EXOC3L2: variants seen among roughly 807,000 people sequenced by gnomAD.
The protein encoded by EXOC3L2 is exocyst complex component 3-like protein 2.
Under a neutral mutation model 44.4 loss-of-function variants are expected in EXOC3L2, and 17 were observed. The observed-to-expected ratio is 0.38, with a 90% CI of 0.26 to 0.57. The LOEUF (loss-of-function observed/expected upper bound fraction) is 0.57, where lower values mean the gene tolerates loss of function less well. Among genes scored for constraint, EXOC3L2 ranks in the 20% least tolerant of loss-of-function variants. The probability of loss-of-function intolerance (pLI) is 0.65; values close to 1 mark genes in which losing one functional copy is unlikely to be tolerated. For synonymous variants in EXOC3L2, 256 were observed against 253.7 expected (o/e 1.01, Z -0.09); for missense variants, 541 against 588.4 (o/e 0.92, Z 0.83).
At chr19:45,240,650 C>CT (rs1484838447) in intron 1 of EXOC3L2, among the ~76,000 whole-genome samples, 3 of 152,142 alleles carry the variant, frequency 2.0e-5, no homozygotes, top group African/African-American at 7.2e-5. Flanking sequence ...AATCCCAGCA[C>CT]TTTGGGAGGT....
In EXOC3L2 at chr19:45,226,747, C is replaced by CTTT. The variant is rs957385712; in HGVS notation, c.1583+912_1583+914dup. Among the ~76,000 whole-genome samples, 138 of 90,648 alleles carry CTTT rather than the reference C, an allele frequency of 1.5e-3. 1 individual carries two copies. The highest frequency in any genetic ancestry group is 1.7e-3 in the African/African-American group (28 of 16,268). 59.5% of individuals were successfully genotyped at this position (90,648 alleles called of 152,430 possible). A position where few individuals can be genotyped will look rare whatever the true frequency, so the allele number is the denominator to read the frequency against. On this transcript the variant is annotated intron_variant, in intron 7 of 11. Coordinates refer to ENST00000413988, the MANE Select transcript of EXOC3L2 (RefSeq NM_001382422.1). The stretch of plus-strand genomic sequence containing the variant: ...CACTGTGCCCAGCTGACTCCCATCT[C>CTTT]TTTTTTTTTTTTTTTTTTTTTTTGA...
intron 2 of EXOC3L2, among the ~76,000 whole-genome samples, chr19:45,236,643 T>A (rs1252727526): frequency 6.6e-6 from 1 of 151,312 alleles, no homozygotes; most frequent in Non-Finnish European, 1.5e-5. Flanking sequence ...GAGGTTGCGT[T>A]TGGAGTTGGA....
At position 45,218,053 on chromosome 19, in the gene EXOC3L2, G is replaced by C; in HGVS notation, c.1842+144C>G. The C allele has an allele frequency of 2.5e-6, 3 of 1,186,266 alleles. No individual in the cohort carries two copies. In the South Asian group the frequency reaches 5.4e-5, roughly 21 times the overall value. 73.5% of individuals were successfully genotyped at this position (1,186,266 alleles called of 1,614,324 possible). ...CCACCTCTCCCATCCACAGGGAGCC[G>C]CTCCCCACCTTAGAGGGGTTTCCTC... On this transcript the variant is annotated intron_variant, in intron 9 of 11. Transcript: ENST00000413988.
At chr19:45,223,044 G>C (rs931239135) in intron 8 of EXOC3L2, among the ~76,000 whole-genome samples, 14 of 152,232 alleles carry the variant, frequency 9.2e-5, no homozygotes, top group African/African-American at 3.4e-4. Context: ...CTTGAGCCCA[G>C]GAGTTCAAGA....
chr19:45,216,248 T>C, intron 10 of EXOC3L2, 54 bp from the exon 11 acceptor site: 2 of 1,596,198 alleles, frequency 1.3e-6, no homozygotes, highest in Non-Finnish European at 1.7e-6. Flanking sequence ...ACCCTGCCAA[T>C]TCCTGCCCCT....
In EXOC3L2 at chr19:45,238,586, C is replaced by T. The variant is rs1050499494; in HGVS notation, c.460G>A (p.Glu154Lys). Residue 154 changes from glutamate to lysine, a missense_variant, in exon 2 of 12, where the codon GAG (glutamate) becomes AAG (lysine). Coordinates refer to ENST00000413988, the MANE Select transcript of EXOC3L2 (RefSeq NM_001382422.1). The surrounding 1 kb of genome is among the most constrained non-coding windows in gnomAD (Gnocchi z 5.5). ...SLAERVVPAG[E>K]AAPEPPPKVP... is the part of the protein sequence containing the mutation. ...TTGGGTGGGGGCTCTGGAGCTGCCTCGCCTGCAGGCACCACTCTCTCAGCC... is the reference window on the plus strand; with the variant it reads ...TTGGGTGGGGGCTCTGGAGCTGCCTTGCCTGCAGGCACCACTCTCTCAGCC... 5.0e-6 allele frequency: 2 copies of T among 399,562 alleles called. No homozygotes were observed. The highest frequency in any genetic ancestry group is 2.1e-5 in the African/African-American group (1 of 48,636). 24.8% of individuals were successfully genotyped at this position (399,562 alleles called of 1,614,324 possible). A position where few individuals can be genotyped will look rare whatever the true frequency, so the allele number is the denominator to read the frequency against.
Position 45,224,769 on chromosome 19 carries a change from C to T in EXOC3L2, c.1719+9G>A. The stretch of plus-strand genomic sequence containing the variant: ...ATGGGCCCCAACCCTGGCCTCCCAC[C>T]TCACTCACCTGCAGCTCCTGGAACA... On this transcript the variant is annotated intron_variant, in intron 8 of 11. Transcript: ENST00000413988. The T allele has an allele frequency of 6.5e-7, 1 of 1,550,086 alleles. No homozygotes were observed. The highest frequency in any genetic ancestry group is 8.7e-7 in the Non-Finnish European group (1 of 1,146,242).
At chr19:45,223,396 G>T (rs113728460) in intron 8 of EXOC3L2, among the ~76,000 whole-genome samples, 9 of 151,968 alleles carry the variant, frequency 5.9e-5, no homozygotes, top group Non-Finnish European at 7.4e-5. Flanking sequence ...AGGCTGCAGT[G>T]CAATGGTGCG....
At chr19:45,229,890 A>G (rs1970011875) in intron 4 of EXOC3L2, among the ~76,000 whole-genome samples, 1 of 148,858 alleles carries the variant, frequency 6.7e-6, no homozygotes, top group Admixed American at 6.7e-5. Flanking sequence ...ATAATATAAT[A>G]TATTATTGTA....
chr19:45,227,790 G>T lies in EXOC3L2; in HGVS notation c.1473-18C>A. 4 of 1,602,154 alleles carry T rather than the reference G, an allele frequency of 2.5e-6. No homozygotes were observed. Among genetic ancestry groups the T allele is most frequent in the Non-Finnish European group, 3.4e-6 (4 of 1,174,852 alleles). On this transcript the variant is annotated intron_variant, in intron 6 of 11. Coordinates refer to ENST00000413988, the MANE Select transcript of EXOC3L2 (RefSeq NM_001382422.1). ...GCTGGAAGCTGGTGGGAGGAAAGGG[G>T]ACAGATAGGGCGCCACTGGGTCAGG...
chr19:45,240,556 G>T (rs2122994485), intron 1 of EXOC3L2, among the ~76,000 whole-genome samples: 1 of 152,224 alleles, frequency 6.6e-6, no homozygotes, highest in East Asian at 1.9e-4. Context: ...GGTGATGGTT[G>T]TACAACACTG....
rs976859479 is a variant in EXOC3L2, at chr19:45,212,782, T to C, written c.*287A>G. On this transcript the variant is annotated 3_prime_UTR_variant, in exon 12 of 12. Coordinates refer to ENST00000413988, the MANE Select transcript of EXOC3L2 (RefSeq NM_001382422.1). ...GCTAATTTTTTATTTTTTGTAGAGA[T>C]AGGGGGCAGGTCTCACTATGTTGCC... 2.5e-5 allele frequency: 8 copies of C among 325,966 alleles called. No individual in the cohort carries two copies. Among genetic ancestry groups the C allele is most frequent in the East Asian group, 1.1e-4 (2 of 18,358 alleles). The allele number at this position is 325,966 out of a possible 1,614,324, so 20.2% of individuals were successfully genotyped here.
At chr19:45,242,070 C>G (rs2122996514) in intron 1 of EXOC3L2, among the ~76,000 whole-genome samples, 1 of 152,316 alleles carries the variant, frequency 6.6e-6, no homozygotes, top group African/African-American at 2.4e-5. Context: ...GCAGGCCACG[C>G]AGGGCTTTAA....
chr19:45,231,551 T>C lies in EXOC3L2; in HGVS notation c.1269+212A>G, dbSNP rs138676391. Among the ~76,000 whole-genome samples, 1,041 of 152,164 alleles carry C rather than the reference T, an allele frequency of 6.8e-3. 13 individuals carry two copies. The highest frequency in any genetic ancestry group is 0.024 in the African/African-American group (981 of 41,520). On this transcript the variant is annotated intron_variant, in intron 4 of 11. Transcript: ENST00000413988. Reference sequence around the variant, plus strand: ...TTCTGTGACTAACTTTCTTGTACTCTAAGGTTTGAAGTGTCCAGATATACT... The same window carrying C: ...TTCTGTGACTAACTTTCTTGTACTCCAAGGTTTGAAGTGTCCAGATATACT...
intron 8 of EXOC3L2, among the ~76,000 whole-genome samples, chr19:45,220,183 TAAATA>T (rs1010861143): frequency 6.6e-6 from 1 of 151,576 alleles, no homozygotes; most frequent in Admixed American, 6.6e-5. Context: ...CAAAAATAAA[TAAATA>T]AATTAATTAA....
chr19:45,217,812 T>G, intron 9 of EXOC3L2, 129 bp from the exon 10 acceptor site: 1 of 1,119,852 alleles, frequency 8.9e-7, no homozygotes. Context: ...ACCCTTCCCG[T>G]GCCCACGCCC....
Position 45,238,452 on chromosome 19 carries a change from G to A in EXOC3L2, c.523+71C>T. 1 of 399,496 alleles carries A rather than the reference G, an allele frequency of 2.5e-6. No homozygotes were observed. Among genetic ancestry groups the A allele is most frequent in the East Asian group, 3.6e-5 (1 of 28,074 alleles). 24.7% of individuals were successfully genotyped at this position (399,496 alleles called of 1,614,324 possible). ...GGGATGGGCTTAAGTATGAAGCCTG[G>A]GACCACCAGGGCTGGGGATGGACAT... On this transcript the variant is annotated intron_variant, in intron 2 of 11. Transcript: ENST00000413988. This position sits in a 1 kb window ranked among gnomAD's most constrained non-coding sequence, Gnocchi z 5.5.
chr19:45,233,819 G>A (rs1970054540), intron 3 of EXOC3L2, among the ~76,000 whole-genome samples: 1 of 152,180 alleles, frequency 6.6e-6, no homozygotes, highest in African/African-American at 2.4e-5. Flanking sequence ...GAACGGAAAA[G>A]TAGCAACGCA....
chr19:45,225,769 C>A (rs1969953568), intron 7 of EXOC3L2, among the ~76,000 whole-genome samples: 1 of 151,928 alleles, frequency 6.6e-6, no homozygotes, highest in African/African-American at 2.4e-5. Context: ...ACTACAGGCA[C>A]CCGCCACCAC....
Sources: allele counts gnomAD v4.1 joint callset (sites outside exome capture counted in the v4.1 genomes callset), GRCh38; gene constraint gnomAD v4.1.1; non-coding constraint Gnocchi (gnomAD v3.1); transcripts MANE v1.5; gene names NCBI Gene and HGNC (gene_info 2026-07-23, HGNC 2026-07-21).